The following NXPH1 variants were observed in gnomAD, a reference collection of about 807,000 sequenced individuals.
The protein encoded by NXPH1 is neurexophilin 1, also known as neurexophilin-1.
Under a neutral mutation model 23.7 loss-of-function variants are expected in NXPH1, and 5 were observed. The ratio of observed to expected loss-of-function variants is 0.21; its 90% CI spans 0.11 to 0.44. The LOEUF is 0.44. Ranked by LOEUF, NXPH1 falls within the 20% of genes least tolerant of loss-of-function variation. The pLI is 0.99. For missense variants in NXPH1, 324 were observed against 321.6 expected (o/e 1.01, Z -0.06); for synonymous variants, 144 against 122.2 (o/e 1.18, Z -1.18).
rs564852882 is a variant in NXPH1 at position 8,450,668 on chromosome 7, G to C, written c.54+14901G>C. On this transcript the variant is annotated intron_variant, in intron 2 of 2. Coordinates refer to ENST00000405863, the MANE Select transcript of NXPH1 (RefSeq NM_152745.3). ...TTTGACCTTGGGAGAGCTTAGTTAT[G>C]CCTTGGGGCAAAAAATTAAATGTTC... 6.8e-4 allele frequency among the ~76,000 whole-genome samples: 104 copies of C among 152,340 alleles called. 1 individual carries two copies. The highest frequency in any genetic ancestry group is 2.5e-3 in the Admixed American group (38 of 15,302).
At chr7:8,705,237 ACAGTTTATCCCCTTAGTGGGTC>A (rs945943074) in intron 2 of NXPH1, among the ~76,000 whole-genome samples, 2 of 152,142 alleles carry the variant, frequency 1.3e-5, no homozygotes, top group Non-Finnish European at 2.9e-5. Flanking sequence ...AGTTTTGCAC[ACAGTTTATCCCCTTAGTGGGTC>A]CATGGACCCA....
chr7:8,566,729 G>A (rs1395809483), intron 2 of NXPH1, among the ~76,000 whole-genome samples: 1 of 151,716 alleles, frequency 6.6e-6, no homozygotes, highest in Non-Finnish European at 1.5e-5. Flanking sequence ...GAGGTGTTTG[G>A]ACTTGGACTG....
At chr7:8,511,873 G>A (rs1378095227) in intron 2 of NXPH1, among the ~76,000 whole-genome samples, 3 of 152,114 alleles carry the variant, frequency 2.0e-5, no homozygotes, top group South Asian at 2.1e-4. Context: ...CTGAATTGAA[G>A]GCATATTTTC....
At chr7:8,711,835 T>G (rs1779800636) in intron 2 of NXPH1, among the ~76,000 whole-genome samples, 1 of 152,176 alleles carries the variant, frequency 6.6e-6, no homozygotes, top group Non-Finnish European at 1.5e-5. Flanking sequence ...TCTAAAGAGA[T>G]TATAAAGCCA....
chr7:8,517,684 C>G (rs904623802), intron 2 of NXPH1, among the ~76,000 whole-genome samples: 80 of 152,116 alleles, frequency 5.3e-4, no homozygotes, highest in African/African-American at 1.8e-3. Context: ...TGTGCCTGGG[C>G]TTCTGTTTAC....
chr7:8,436,234 A>C (rs561373768), intron 2 of NXPH1, among the ~76,000 whole-genome samples: 74 of 152,338 alleles, frequency 4.9e-4, no homozygotes, highest in African/African-American at 1.7e-3. Flanking sequence ...GAGACACATA[A>C]AGAAGCGCAG....
intron 2 of NXPH1, among the ~76,000 whole-genome samples, chr7:8,450,227 A>T (rs1816482326): frequency 6.6e-6 from 1 of 152,226 alleles, no homozygotes; most frequent in Admixed American, 6.5e-5. Flanking sequence ...GAAACCATAT[A>T]TACAAAGCAT....
chr7:8,605,546 A>T (rs1017281114), intron 2 of NXPH1, among the ~76,000 whole-genome samples: 1 of 152,142 alleles, frequency 6.6e-6, no homozygotes, highest in Non-Finnish European at 1.5e-5. Flanking sequence ...TAGTAATAAC[A>T]AGCAACAAAA....
At chr7:8,465,364 T>C (rs1284914006) in intron 2 of NXPH1, among the ~76,000 whole-genome samples, 1 of 152,174 alleles carries the variant, frequency 6.6e-6, no homozygotes, top group Non-Finnish European at 1.5e-5. Context: ...TCAGGTGACA[T>C]TGGGGATTGT....
chr7:8,570,153 A>C (rs1352568262), intron 2 of NXPH1, among the ~76,000 whole-genome samples: 1 of 151,898 alleles, frequency 6.6e-6, no homozygotes, highest in Non-Finnish European at 1.5e-5. Context: ...CTCCCCATGA[A>C]TGGTTCTTAA....
At chr7:8,520,610 G>C (rs778924372) in intron 2 of NXPH1, among the ~76,000 whole-genome samples, 1 of 152,158 alleles carries the variant, frequency 6.6e-6, no homozygotes, top group East Asian at 1.9e-4. Flanking sequence ...ACAGCTCTAA[G>C]CCTGCAACCT....
chr7:8,513,180 T>C (rs1385939324), intron 2 of NXPH1, among the ~76,000 whole-genome samples: 1 of 151,900 alleles, frequency 6.6e-6, no homozygotes, highest in East Asian at 1.9e-4. Context: ...TTGAATGGGG[T>C]CATGAACATG....
intron 2 of NXPH1, among the ~76,000 whole-genome samples, chr7:8,732,550 A>C (rs1443064096): frequency 1.3e-5 from 2 of 152,336 alleles, no homozygotes; most frequent in East Asian, 3.9e-4. Context: ...ATCTGTATTT[A>C]CTGACAAAAT....
intron 2 of NXPH1, among the ~76,000 whole-genome samples, chr7:8,467,876 T>C (rs1483187136): frequency 6.6e-6 from 1 of 152,200 alleles, no homozygotes; most frequent in African/African-American, 2.4e-5. Context: ...TTATCAAGCA[T>C]GGCTATTTAT....
In NXPH1 at chr7:8,570,704, A is replaced by G. The variant is rs546023146; in HGVS notation, c.54+134937A>G. ...AACTTAGACAAAGGACCTGGAATGT[A>G]CAAAGGTCTGGAAGTGGGAGGGAAG... On this transcript the variant is annotated intron_variant, in intron 2 of 2. Transcript: ENST00000405863. 3.9e-5 allele frequency among the ~76,000 whole-genome samples: 6 copies of G among 152,056 alleles called. No homozygotes were observed. The South Asian group carries it at 1.2e-3, about 32-fold the overall frequency.
intron 2 of NXPH1, among the ~76,000 whole-genome samples, chr7:8,674,142 C>T (rs1447858497): frequency 6.7e-6 from 1 of 148,244 alleles, no homozygotes; most frequent in African/African-American, 2.5e-5. Flanking sequence ...ATCAATGTCC[C>T]TAGTACTTAC....
At position 8,661,196 on chromosome 7, in the gene NXPH1, G is replaced by A. The variant is rs149147773; in HGVS notation, c.55-89812G>A. On this transcript the variant is annotated intron_variant, in intron 2 of 2. Coordinates refer to ENST00000405863, the MANE Select transcript of NXPH1 (RefSeq NM_152745.3). Reference sequence around the variant, plus strand: ...CACCAATTTATTTTATCCTTAAAATGCATTTGAAACTTTTTGTTGCCTTAA... The same window carrying A: ...CACCAATTTATTTTATCCTTAAAATACATTTGAAACTTTTTGTTGCCTTAA... Among the ~76,000 whole-genome samples the A allele has an allele frequency of 5.7e-3, 868 of 152,176 alleles. 8 individuals are homozygous for A. Among genetic ancestry groups the A allele is most frequent in the African/African-American group, 0.02 (828 of 41,516 alleles).
chr7:8,510,064 C>T (rs1479384843), intron 2 of NXPH1, among the ~76,000 whole-genome samples: 2 of 152,022 alleles, frequency 1.3e-5, no homozygotes, highest in Admixed American at 6.6e-5. Flanking sequence ...TACTGTGCAC[C>T]CTGACATGCT....
chr7:8,648,483 A>C (rs1165833063), intron 2 of NXPH1, among the ~76,000 whole-genome samples: 2 of 152,200 alleles, frequency 1.3e-5, no homozygotes. Context: ...CGTTGTTGCA[A>C]ATGACTGGAT....
Sources: allele counts gnomAD v4.1 joint callset (sites outside exome capture counted in the v4.1 genomes callset), GRCh38; gene constraint gnomAD v4.1.1; transcripts MANE v1.5; gene names NCBI Gene and HGNC (gene_info 2026-07-23, HGNC 2026-07-21).